Variants in APBB2 observed in about 807,000 individuals in gnomAD.
APBB2 encodes the protein amyloid beta precursor protein binding family B member 2.
A neutral mutation model predicts 82.5 loss-of-function variants in APBB2; 38 were observed. The observed-to-expected ratio is 0.46, with a 90% CI of 0.36 to 0.60. The LOEUF is 0.60. Ranked by LOEUF, APBB2 falls within the 20% of genes least tolerant of loss-of-function variation. The pLI is 0.00. For missense variants in APBB2, 772 were observed against 972.3 expected (o/e 0.79, Z 2.74); for synonymous variants, 341 against 368.2 (o/e 0.93, Z 0.85).
intron 6 of APBB2, among the ~76,000 whole-genome samples, chr4:40,991,883 A>G (rs1560473771): frequency 6.6e-6 from 1 of 152,120 alleles, no homozygotes; most frequent in Non-Finnish European, 1.5e-5. Context: ...AGAATCTTCT[A>G]TGAGAGTGGT....
At chr4:41,084,470 T>C (rs974399149) in intron 3 of APBB2, 5 of 152,220 alleles carry the variant, frequency 3.3e-5, no homozygotes, top group African/African-American at 1.2e-4. Context: ...TTCGCAAATG[T>C]AAGTTTTAAG....
Position 41,164,830 on chromosome 4 carries a change from AATAGTCCTAAGTGATCTTTTAAAC to A in APBB2, c.-416-21712_-416-21689del, listed in dbSNP as rs1766078310. Reference sequence around the variant, plus strand: ...AAGAGGTTGATTCTTTTAATTTAGAAATAGTCCTAAGTGATCTTTTAAACATGGCTGTTTTTTAGAGGGCTAGAC... The same window carrying A: ...AAGAGGTTGATTCTTTTAATTTAGAAATGGCTGTTTTTTAGAGGGCTAGAC... On this transcript the variant is annotated intron_variant, in intron 1 of 17. Transcript: ENST00000508593. Among the ~76,000 whole-genome samples the A allele has an allele frequency of 2.6e-5, 4 of 152,372 alleles. No individual in the cohort carries two copies. The South Asian group carries it at 8.3e-4, about 32-fold the overall frequency.
intron 2 of APBB2, among the ~76,000 whole-genome samples, chr4:41,115,884 A>G (rs899378434): frequency 2.0e-5 from 3 of 152,232 alleles, no homozygotes; most frequent in Non-Finnish European, 4.4e-5. Context: ...AAATTAGTTC[A>G]ACCATTGTGG....
At chr4:41,157,811 T>C (rs1763867957) in intron 1 of APBB2, among the ~76,000 whole-genome samples, 1 of 152,018 alleles carries the variant, frequency 6.6e-6, no homozygotes, top group East Asian at 1.9e-4. Context: ...GCCAACATGG[T>C]AAAACCCCGT....
At chr4:40,904,694 T>TTC (rs1252435208) in intron 10 of APBB2, among the ~76,000 whole-genome samples, 2 of 151,506 alleles carry the variant, frequency 1.3e-5, no homozygotes, top group Admixed American at 1.3e-4. Context: ...CTTTTTTTTT[T>TTC]TTTTTTTAAA....
At chr4:40,987,945 A>T (rs1800831541) in intron 6 of APBB2, among the ~76,000 whole-genome samples, 1 of 152,220 alleles carries the variant, frequency 6.6e-6, no homozygotes, top group South Asian at 2.1e-4. Context: ...TATTAAAATG[A>T]GATTTTTATA....
intron 1 of APBB2, among the ~76,000 whole-genome samples, chr4:41,190,908 G>C (rs1774247962): frequency 6.6e-6 from 1 of 152,228 alleles, no homozygotes; most frequent in African/African-American, 2.4e-5. Flanking sequence ...ACGCTGGTCT[G>C]CTGTTTCTGA....
chr4:40,817,871 T>C (rs781170910), intron 17 of APBB2, among the ~76,000 whole-genome samples: 1 of 152,168 alleles, frequency 6.6e-6, no homozygotes, highest in Admixed American at 6.5e-5. Flanking sequence ...GTGTAAGGTA[T>C]TTTACTAGGC....
At chr4:40,862,143 C>T (rs1295490878) in intron 12 of APBB2, among the ~76,000 whole-genome samples, 4 of 152,166 alleles carry the variant, frequency 2.6e-5, no homozygotes, top group Non-Finnish European at 2.9e-5. Context: ...ACTGATATAA[C>T]GTGCAACAGC....
chr4:40,832,954 CG>C lies in APBB2; in HGVS notation c.1530-2378del, dbSNP rs1752545378. 6.6e-6 allele frequency among the ~76,000 whole-genome samples: 1 copy of C among 151,676 alleles called. No individual in the cohort carries two copies. The highest frequency in any genetic ancestry group is 2.1e-4 in the South Asian group (1 of 4,802). On this transcript the variant is annotated intron_variant, in intron 12 of 17. Transcript: ENST00000508593. The surrounding 1 kb of genome is among the most constrained non-coding windows in gnomAD (Gnocchi z 4.8). ...ACTGAATGGGTTCCACGACTGGGCT[CG>C]GGGGTGGGTTGGGGCAAGTCACTGG...
intron 3 of APBB2, among the ~76,000 whole-genome samples, chr4:41,093,302 G>A (rs1375154631): frequency 1.3e-5 from 2 of 152,178 alleles, no homozygotes; most frequent in Non-Finnish European, 1.5e-5. Flanking sequence ...ACAAGAGCAC[G>A]TGAACTCTGC....
intron 5 of APBB2, among the ~76,000 whole-genome samples, chr4:41,026,194 G>A (rs1173716939): frequency 6.6e-6 from 1 of 152,074 alleles, no homozygotes; most frequent in Admixed American, 6.5e-5. Context: ...TGTGGAGGAT[G>A]GGAGGAGGGA....
chr4:41,159,961 G>GAGAAGGAGAAGAAGAAGA (rs1764562022), intron 1 of APBB2, among the ~76,000 whole-genome samples: 10 of 31,982 alleles, frequency 3.1e-4, no homozygotes, highest in African/African-American at 9.4e-4. Flanking sequence ...GAAGGAGAAG[G>GAGAAGGAGAAGAAGAAGA]AGAAGAAGAA....
At chr4:41,176,316 T>C (rs1309367098) in intron 1 of APBB2, among the ~76,000 whole-genome samples, 1 of 151,956 alleles carries the variant, frequency 6.6e-6, no homozygotes, top group African/African-American at 2.4e-5. Context: ...AAGCTTATTG[T>C]CTCTTTCCTA....
intron 1 of APBB2, among the ~76,000 whole-genome samples, chr4:41,186,730 A>G (rs715123): frequency 0.3 from 45,664 of 152,068 alleles, 6,967 homozygotes; most frequent in African/African-American, 0.34. Context: ...TGAGTAAAAA[A>G]TGCATTTAAT....
At chr4:41,214,298 A>C (rs1362676925) in intron 1 of APBB2, 107 bp downstream of exon 1, 1 of 151,996 alleles carries the variant, frequency 6.6e-6, no homozygotes, top group Non-Finnish European at 1.5e-5. Context: ...CGCCGGGGGA[A>C]CCCGCAGCCG....
At chr4:41,092,217 G>A (rs1295262926) in intron 3 of APBB2, among the ~76,000 whole-genome samples, 1 of 152,182 alleles carries the variant, frequency 6.6e-6, no homozygotes. Context: ...ACAATAATTA[G>A]TTCACAAGTA....
At chr4:40,975,634 T>G (rs1269691618) in intron 6 of APBB2, among the ~76,000 whole-genome samples, 1 of 152,254 alleles carries the variant, frequency 6.6e-6, no homozygotes, top group South Asian at 2.1e-4. Context: ...ATACTCCACA[T>G]GCTTTATCTC....
intron 6 of APBB2, among the ~76,000 whole-genome samples, chr4:40,975,753 A>AACACACACACACAC (rs368424451): frequency 0.033 from 4,657 of 141,958 alleles, 88 homozygotes; most frequent in Middle Eastern, 0.043. Context: ...GTAGTAAGAA[A>AACACACACACACAC]ACACACACAC....
Sources: allele counts gnomAD v4.1 joint callset (sites outside exome capture counted in the v4.1 genomes callset), GRCh38; gene constraint gnomAD v4.1.1; non-coding constraint Gnocchi (gnomAD v3.1); transcripts MANE v1.5; gene names NCBI Gene and HGNC (gene_info 2026-07-23, HGNC 2026-07-21).